Variants in FAM91A1 observed in about 807,000 individuals in gnomAD.
FAM91A1 encodes the protein protein FAM91A1.
In FAM91A1, 41 loss-of-function variants were observed where a neutral mutation model predicts 113.5. That is an observed-to-expected ratio of 0.36 (90% CI 0.28 to 0.47). The LOEUF (loss-of-function observed/expected upper bound fraction) is 0.47, where lower values mean the gene tolerates loss of function less well. Among genes scored for constraint, FAM91A1 ranks in the 20% least tolerant of loss-of-function variants. The pLI, the probability that FAM91A1 is intolerant of heterozygous loss-of-function variation, is 1.00. For synonymous variants in FAM91A1, 307 were observed against 347.9 expected (o/e 0.88, Z 1.31); for missense variants, 696 against 1,001.2 (o/e 0.70, Z 4.11).
intron 1 of FAM91A1, 71 bp from the exon 2 acceptor site, chr8:123,774,009 G>A (rs1296571672): frequency 4.2e-6 from 5 of 1,203,336 alleles, no homozygotes; most frequent in South Asian, 2.8e-5. Flanking sequence ...GTTTTAAAGT[G>A]TGTTATGGGA....
chr8:123,812,437 A>T, intron 23 of FAM91A1, 82 bp from the exon 24 acceptor site: 1 of 1,225,452 alleles, frequency 8.2e-7, no homozygotes, highest in East Asian at 2.4e-5. Flanking sequence ...TCAGGTAATC[A>T]AGGTCTCTCT....
intron 2 of FAM91A1, 133 bp from the exon 3 acceptor site, chr8:123,775,014 A>G (rs941054460): frequency 4.6e-6 from 4 of 870,206 alleles, no homozygotes; most frequent in Non-Finnish European, 6.6e-6. Context: ...GTTCCAACTT[A>G]GAATATTTTA....
chr8:123,802,222 A>G lies in FAM91A1; in HGVS notation c.1809+2337A>G, dbSNP rs150257282. ...GTTAGGACTGTGTGTAGTAGTTTAG[A>G]TAAGAGATAAAGATAGCCCGGATCA... On this transcript the variant is annotated intron_variant, in intron 18 of 23. Transcript: ENST00000334705. Among the ~76,000 whole-genome samples the G allele has an allele frequency of 4.6e-5, 7 of 152,340 alleles. No homozygotes were observed. The East Asian group carries it at 1.2e-3, about 25-fold the overall frequency.
rs1004209150 is a variant in FAM91A1 at position 123,813,365 on chromosome 8, A to G, written c.*661A>G. ...CATGAGAAGCTTTAGAAGACTTTCT[A>G]TTTTTAAACACCATTTATATGTGGA... On this transcript the variant is annotated 3_prime_UTR_variant, in exon 24 of 24. Coordinates refer to ENST00000334705, the MANE Select transcript of FAM91A1 (RefSeq NM_144963.4). 6.6e-6 allele frequency: 1 copy of G among 152,628 alleles called. No homozygotes were observed. Among genetic ancestry groups the G allele is most frequent in the Admixed American group, 6.5e-5 (1 of 15,286 alleles). The allele number at this position is 152,628 out of a possible 1,614,324, so 9.5% of individuals were successfully genotyped here.
At chr8:123,785,188 C>A (rs376797150) in intron 10 of FAM91A1, 69 bp downstream of exon 10, 2 of 1,246,802 alleles carry the variant, frequency 1.6e-6, no homozygotes, top group Non-Finnish European at 2.2e-6. Context: ...AGATTTTTAT[C>A]TTGATAAGCT....
In FAM91A1 at chr8:123,815,244, A is replaced by G. The variant is rs1027541491; in HGVS notation, c.*2540A>G. 1.3e-5 allele frequency: 2 copies of G among 152,222 alleles called. No individual in the cohort carries two copies. The highest frequency in any genetic ancestry group is 4.8e-5 in the African/African-American group (2 of 41,312). The allele number at this position is 152,222 out of a possible 1,614,324, so 9.4% of individuals were successfully genotyped here. Reference sequence around the variant, plus strand: ...CTTGTTGTTTTCAGTTTTCTCTGCCATTCATGTTTCTTTTTTGTGTTCAGT... The same window carrying G: ...CTTGTTGTTTTCAGTTTTCTCTGCCGTTCATGTTTCTTTTTTGTGTTCAGT... On this transcript the variant is annotated 3_prime_UTR_variant, in exon 24 of 24. Transcript: ENST00000334705.
At chr8:123,787,463 C>A in intron 13 of FAM91A1, 90 bp downstream of exon 13, 1 of 1,116,996 alleles carries the variant, frequency 9.0e-7, no homozygotes, top group Admixed American at 2.2e-5. Flanking sequence ...TTTTAAAGTA[C>A]TACATTTATT....
At chr8:123,807,169 A>G (rs931087823) in intron 20 of FAM91A1, among the ~76,000 whole-genome samples, 1 of 152,154 alleles carries the variant, frequency 6.6e-6, no homozygotes, top group Non-Finnish European at 1.5e-5. Context: ...ACTTACTCCT[A>G]TCTCATTTGT....
Position 123,809,021 on chromosome 8 carries a change from G to A in FAM91A1, c.2261+5G>A. On this transcript the variant is annotated splice_donor_5th_base_variant and intron_variant, in intron 22 of 23. Coordinates refer to ENST00000334705, the MANE Select transcript of FAM91A1 (RefSeq NM_144963.4). The stretch of plus-strand genomic sequence containing the variant: ...TGGCCTTTGCAGAAAAGAGAGGTGA[G>A]GGTTTATATTCGCTGTCATATTTTC... The A allele has an allele frequency of 6.2e-7, 1 of 1,610,304 alleles. No homozygotes were observed. Among genetic ancestry groups the A allele is most frequent in the Non-Finnish European group, 8.5e-7 (1 of 1,177,918 alleles).
rs1233040783 is a variant in FAM91A1, at chr8:123,799,555, C to G, written c.1596C>G (p.Val532=). The part of the protein sequence containing the change: ...IGPAIPEVSS[V]WFKLYIYHVT... ...CAGCTATCCCAGAAGTCAGCTCTGT[C>G]TGGTTTAAACTGTACATTTATCATG... is the stretch of plus-strand genomic sequence containing the variant. The change falls in exon 17 of 24, where the codon GTC becomes GTG. Residue 532 remains valine (V), a synonymous_variant. Transcript: ENST00000334705. The G allele has an allele frequency of 6.2e-7, 1 of 1,613,596 alleles. No homozygotes were observed. The highest frequency in any genetic ancestry group is 1.7e-5 in the Admixed American group (1 of 59,940).
rs549319948 is a variant in FAM91A1, at chr8:123,777,096, CAT to C, written c.310-168_310-167del. On this transcript the variant is annotated intron_variant, in intron 3 of 23. Coordinates refer to ENST00000334705, the MANE Select transcript of FAM91A1 (RefSeq NM_144963.4). ...TGCCCTTTAATTACTAGGTTGGGAA[CAT>C]GTGTGGAAAGTGCCACAGGGTGGCA... Among the ~76,000 whole-genome samples, 33 of 152,294 alleles carry C rather than the reference CAT, an allele frequency of 2.2e-4. No homozygotes were observed. The East Asian group carries it at 5.8e-3, about 27-fold the overall frequency.
At chr8:123,803,010 C>A (rs1815723426) in intron 18 of FAM91A1, among the ~76,000 whole-genome samples, 2 of 152,122 alleles carry the variant, frequency 1.3e-5, no homozygotes, top group South Asian at 4.1e-4. Context: ...TTTTCCTTAC[C>A]TTTAAAATGA....
chr8:123,780,008 C>T lies in FAM91A1; in HGVS notation c.573C>T (p.Cys191=), dbSNP rs764854253. The T allele has an allele frequency of 6.8e-6, 11 of 1,612,860 alleles. No homozygotes were observed. Among genetic ancestry groups the T allele is most frequent in the African/African-American group, 6.7e-5 (5 of 74,854 alleles). The part of the protein sequence containing the change: ...DIKICTLPEK[C]AVDKIIDSGP... Reference sequence around the variant, plus strand: ...AGATATGCACTTTGCCTGAGAAATGCGCTGTTGATAAGATCATCGATTCAG... The same window carrying T: ...AGATATGCACTTTGCCTGAGAAATGTGCTGTTGATAAGATCATCGATTCAG... Residue 191 remains cysteine, a synonymous_variant, in exon 7 of 24, where the codon TGC becomes TGT. Transcript: ENST00000334705.
chr8:123,793,120 C>A (rs1445435253), intron 15 of FAM91A1, among the ~76,000 whole-genome samples: 1 of 152,140 alleles, frequency 6.6e-6, no homozygotes, highest in Admixed American at 6.6e-5. Flanking sequence ...TATACCTCAC[C>A]CTGTCATCCT....
intron 1 of FAM91A1, among the ~76,000 whole-genome samples, chr8:123,768,998 C>T (rs1272707479): frequency 6.6e-6 from 1 of 152,178 alleles, no homozygotes; most frequent in African/African-American, 2.4e-5. Context: ...GCATGGTGTC[C>T]ACAGGACTCG....
intron 18 of FAM91A1, among the ~76,000 whole-genome samples, chr8:123,801,568 T>A (rs1431379583): frequency 6.6e-6 from 1 of 152,226 alleles, no homozygotes; most frequent in Non-Finnish European, 1.5e-5. Flanking sequence ...GCCCCTCATC[T>A]TCAAGGAATT....
chr8:123,777,246 A>G lies in FAM91A1; in HGVS notation c.310-19A>G, dbSNP rs748361309. On this transcript the variant is annotated intron_variant, in intron 3 of 23. Coordinates refer to ENST00000334705, the MANE Select transcript of FAM91A1 (RefSeq NM_144963.4). Reference sequence around the variant, plus strand: ...AGGACATTTTAGATTTCAAATTTAAATTTTTTTCTTTTTAAAAGGATATTA... The same window carrying G: ...AGGACATTTTAGATTTCAAATTTAAGTTTTTTTCTTTTTAAAAGGATATTA... The G allele has an allele frequency of 2.1e-5, 33 of 1,543,046 alleles. No individual in the cohort carries two copies. The highest frequency in any genetic ancestry group is 2.9e-5 in the Non-Finnish European group (33 of 1,128,620).
intron 15 of FAM91A1, among the ~76,000 whole-genome samples, chr8:123,794,419 A>G (rs1287049527): frequency 6.6e-6 from 1 of 152,246 alleles, no homozygotes; most frequent in Non-Finnish European, 1.5e-5. Flanking sequence ...ACACATTTAC[A>G]GATCACACAG....
rs1454402717 is a variant in FAM91A1, at chr8:123,805,270, C to T, written c.1813C>T (p.His605Tyr). The change falls in exon 19 of 24, where the codon CAT (histidine) becomes TAT (tyrosine). Residue 605 changes from histidine (H) to tyrosine (Y), a missense_variant. Physicochemically the swap from His to Tyr is moderately conservative, Grantham distance 83. Transcript: ENST00000334705. Reference protein sequence around the residue: ...LTHSAVLIQGHGLHGIGETVH... With the variant: ...LTHSAVLIQGYGLHGIGETVH... Reference sequence around the variant, plus strand: ...TTTAACTTTTGTTTATGTTTAGGGGCATGGTCTGCATGGGATAGGAGAAAC... The same window carrying T: ...TTTAACTTTTGTTTATGTTTAGGGGTATGGTCTGCATGGGATAGGAGAAAC... 1.2e-6 allele frequency: 2 copies of T among 1,610,022 alleles called. No homozygotes were observed. The highest frequency in any genetic ancestry group is 1.3e-5 in the African/African-American group (1 of 74,712).
Sources: gnomAD v4.1 joint callset for allele counts (sites outside exome capture counted in the v4.1 genomes callset) on GRCh38, gnomAD v4.1.1 for gene constraint, MANE v1.5 for transcripts, NCBI Gene and HGNC (gene_info 2026-07-23, HGNC 2026-07-21) for gene names.